Variants in CSMD1 observed in about 807,000 individuals in gnomAD.
The protein encoded by CSMD1 is CUB and sushi domain-containing protein 1.
CSMD1 carries 213 observed loss-of-function variants against 417.5 expected under a neutral mutation model. The observed-to-expected ratio is 0.51, with a 90% CI of 0.46 to 0.57. The LOEUF is 0.57. CSMD1 is among the 20% of genes least tolerant of loss of function. The pLI, the probability that CSMD1 is intolerant of heterozygous loss-of-function variation, is 0.00. For missense variants in CSMD1, 6,923 were observed against 4,529.7 expected, an observed-to-expected ratio of 1.53 and a Z score of -15.17; for synonymous variants, 2,862 against 1,736.8, an observed-to-expected ratio of 1.65 and a Z score of -16.11.
intron 3 of CSMD1, among the ~76,000 whole-genome samples, chr8:4,270,274 A>C (rs779565235): frequency 6.6e-6 from 1 of 152,086 alleles, no homozygotes; most frequent in African/African-American, 2.4e-5. Context: ...TTTTTAATTA[A>C]TTCACTACAG....
At chr8:4,245,426 G>A (rs1427971752) in intron 3 of CSMD1, among the ~76,000 whole-genome samples, 2 of 152,108 alleles carry the variant, frequency 1.3e-5, no homozygotes, top group East Asian at 3.8e-4. Flanking sequence ...GGGAGGAGGA[G>A]GCAGGTTAGG....
chr8:3,119,153 C>T (rs1055790458), intron 41 of CSMD1, among the ~76,000 whole-genome samples: 2 of 151,812 alleles, frequency 1.3e-5, no homozygotes, highest in Non-Finnish European at 2.9e-5. Flanking sequence ...GCGCTCCAGC[C>T]CGGGCGACAG....
At chr8:3,581,001 G>A (rs1013669348) in intron 9 of CSMD1, among the ~76,000 whole-genome samples, 2 of 152,114 alleles carry the variant, frequency 1.3e-5, no homozygotes, top group African/African-American at 2.4e-5. Flanking sequence ...GCTCCAATTA[G>A]CTCACAGGTA....
At chr8:4,362,435 G>A (rs1266372724) in intron 3 of CSMD1, among the ~76,000 whole-genome samples, 4 of 152,186 alleles carry the variant, frequency 2.6e-5, no homozygotes, top group Non-Finnish European at 5.9e-5. Flanking sequence ...CTTTGGACAA[G>A]AAGAGTTTTG....
At chr8:4,617,759 C>T (rs182843110) in intron 2 of CSMD1, among the ~76,000 whole-genome samples, 28 of 152,104 alleles carry the variant, frequency 1.8e-4, no homozygotes, top group African/African-American at 6.3e-4. Flanking sequence ...ATTTGGCATT[C>T]CTCATTATTA....
chr8:4,915,446 A>G (rs1805989320), intron 1 of CSMD1, among the ~76,000 whole-genome samples: 1 of 152,220 alleles, frequency 6.6e-6, no homozygotes, highest in Admixed American at 6.5e-5. Flanking sequence ...TGGAAACCAC[A>G]TATCTGCGTA....
chr8:3,350,597 A>C (rs2117655719), intron 21 of CSMD1, among the ~76,000 whole-genome samples: 1 of 152,302 alleles, frequency 6.6e-6, no homozygotes, highest in South Asian at 2.1e-4. Context: ...AACTGGAGTA[A>C]CACAAGTTTA....
In CSMD1 at chr8:4,536,225, T is replaced by C. The variant is rs374302940; in HGVS notation, c.302+101117A>G. ...GATGCTTTTGCATTTCATTTTAACCTATTCATAATTATGTGAAACCATATA... is the reference window on the plus strand; with the variant it reads ...GATGCTTTTGCATTTCATTTTAACCCATTCATAATTATGTGAAACCATATA... On this transcript the variant is annotated intron_variant, in intron 2 of 69. Transcript: ENST00000635120. Among the ~76,000 whole-genome samples the C allele has an allele frequency of 5.9e-4, 90 of 152,296 alleles. 1 individual carries two copies. The South Asian group carries it at 0.01, about 18-fold the overall frequency.
intron 3 of CSMD1, among the ~76,000 whole-genome samples, chr8:4,035,643 G>C (rs62502692): frequency 0.13 from 19,387 of 152,204 alleles, 1,355 homozygotes; most frequent in East Asian, 0.17. Context: ...ATTTTAAATA[G>C]ACAAACTCTT....
At chr8:4,711,641 C>A (rs1203980966) in intron 1 of CSMD1, among the ~76,000 whole-genome samples, 3 of 146,758 alleles carry the variant, frequency 2.0e-5, no homozygotes, top group Non-Finnish European at 3.0e-5. Flanking sequence ...GTCGGAAAAG[C>A]CAGGAATACT....
chr8:4,904,122 G>C (rs896953223), intron 1 of CSMD1, among the ~76,000 whole-genome samples: 3 of 152,058 alleles, frequency 2.0e-5, no homozygotes, highest in Admixed American at 6.5e-5. Context: ...ATGTATGTTA[G>C]AATCATTTCT....
chr8:4,823,690 T>C (rs1017517944), intron 1 of CSMD1, among the ~76,000 whole-genome samples: 6 of 151,972 alleles, frequency 3.9e-5, no homozygotes, highest in Admixed American at 1.3e-4. Context: ...TAATTCTCTA[T>C]GGTGAGAATT....
At chr8:4,041,818 A>C (rs778753499) in intron 3 of CSMD1, among the ~76,000 whole-genome samples, 1 of 152,152 alleles carries the variant, frequency 6.6e-6, no homozygotes, top group African/African-American at 2.4e-5. Context: ...CCCACAAAAA[A>C]ACAAAACAAA....
At chr8:4,510,320 C>A (rs759662870) in intron 2 of CSMD1, among the ~76,000 whole-genome samples, 1 of 134,594 alleles carries the variant, frequency 7.4e-6, no homozygotes, top group Non-Finnish European at 1.5e-5. Context: ...CACACTACAA[C>A]TAAATATTTC....
intron 10 of CSMD1, among the ~76,000 whole-genome samples, chr8:3,510,032 C>T (rs189090022): frequency 5.3e-5 from 8 of 152,306 alleles, no homozygotes; most frequent in South Asian, 2.1e-4. Flanking sequence ...GTATCCACTT[C>T]TCCCCTCTAC....
At chr8:4,437,189 T>C (rs1798196911) in intron 2 of CSMD1, among the ~76,000 whole-genome samples, 4 of 152,222 alleles carry the variant, frequency 2.6e-5, no homozygotes, top group South Asian at 4.1e-4. Flanking sequence ...AACTTTGTTG[T>C]CTCAACAAAT....
intron 25 of CSMD1, among the ~76,000 whole-genome samples, chr8:3,304,721 T>TATTTTTCTCTTTTTA (rs1491239163): frequency 1.1e-4 from 3 of 27,102 alleles, no homozygotes; most frequent in Admixed American, 6.8e-4. Flanking sequence ...AATATTTTTT[T>TATTTTTCTCTTTTTA]ATTTTTCTCT....
Position 2,936,042 on chromosome 8 carries a change from C to A in CSMD1, c.*2543G>T, listed in dbSNP as rs958988664. ...ACTGCCCTAAAATGAGATCCTCCAA[C>A]ACCTTGCGGAGACGCCGTTCAACAC... On this transcript the variant is annotated 3_prime_UTR_variant, in exon 70 of 70. Transcript: ENST00000635120. The A allele has an allele frequency of 1.3e-5, 2 of 152,206 alleles. No individual in the cohort carries two copies. The highest frequency in any genetic ancestry group is 2.9e-5 in the Non-Finnish European group (2 of 68,054). 9.4% of individuals were successfully genotyped at this position (152,206 alleles called of 1,614,324 possible).
intron 37 of CSMD1, among the ~76,000 whole-genome samples, chr8:3,165,375 G>C (rs994488520): frequency 6.6e-6 from 1 of 151,938 alleles, no homozygotes; most frequent in Non-Finnish European, 1.5e-5. Flanking sequence ...GCAACACTAG[G>C]AGTAATTCAA....
Sources: gnomAD v4.1 joint callset for allele counts (sites outside exome capture counted in the v4.1 genomes callset) on GRCh38, gnomAD v4.1.1 for gene constraint, MANE v1.5 for transcripts, NCBI Gene and HGNC (gene_info 2026-07-23, HGNC 2026-07-21) for gene names.